B3GALT1: variants seen among roughly 807,000 people sequenced by gnomAD.
B3GALT1 encodes beta-1,3-galactosyltransferase 1, also known as UDP-Gal:betaGlcNAc beta 1,3-galactosyltransferase, polypeptide 1.
Under a neutral mutation model 23.2 loss-of-function variants are expected in B3GALT1, and 10 were observed. The observed-to-expected ratio is 0.43, with a 90% confidence interval of 0.27 to 0.73. The LOEUF is 0.73. Ranked by LOEUF, B3GALT1 falls within the 30% of genes least tolerant of loss-of-function variation. B3GALT1 has a pLI of 0.21. For synonymous variants in B3GALT1, 156 were observed against 141.5 expected, an observed-to-expected ratio of 1.10 and a Z score of -0.73; for missense variants, 299 against 405.4, an observed-to-expected ratio of 0.74 and a Z score of 2.25.
intron 3 of B3GALT1, among the ~76,000 whole-genome samples, chr2:167,727,914 T>G (rs149258398): frequency 6.6e-6 from 1 of 152,132 alleles, no homozygotes; most frequent in South Asian, 2.1e-4. Context: ...TAGAAGCTTT[T>G]GATACATTGG....
chr2:167,584,879 C>T (rs1574152933), intron 2 of B3GALT1, among the ~76,000 whole-genome samples: 1 of 152,194 alleles, frequency 6.6e-6, no homozygotes, highest in Non-Finnish European at 1.5e-5. Flanking sequence ...TTCAGAAGCT[C>T]CAGGAACCCT....
At chr2:167,444,556 G>T (rs530747946) in intron 1 of B3GALT1, among the ~76,000 whole-genome samples, 1 of 152,152 alleles carries the variant, frequency 6.6e-6, no homozygotes, top group Non-Finnish European at 1.5e-5. Context: ...CCTGTTATTG[G>T]TCTATTCAGA....
intron 1 of B3GALT1, among the ~76,000 whole-genome samples, chr2:167,376,572 G>A (rs7576187): frequency 0.83 from 126,034 of 152,032 alleles, 53,365 homozygotes; most frequent in East Asian, 0.94. Context: ...ATCTTGGGAG[G>A]TTGTGTATTT....
chr2:167,398,457 A>G (rs1055930763), intron 1 of B3GALT1, among the ~76,000 whole-genome samples: 7 of 152,072 alleles, frequency 4.6e-5, no homozygotes, highest in Non-Finnish European at 5.9e-5. Context: ...CAACATTTTT[A>G]AAATGATAAT....
At chr2:167,595,416 C>T (rs76450187) in intron 2 of B3GALT1, among the ~76,000 whole-genome samples, 1 of 152,098 alleles carries the variant, frequency 6.6e-6, no homozygotes, top group Admixed American at 6.5e-5. Context: ...AACATGGTCC[C>T]GTTAAATCAT....
intron 3 of B3GALT1, among the ~76,000 whole-genome samples, chr2:167,742,664 C>T (rs1432709638): frequency 6.6e-6 from 1 of 151,952 alleles, no homozygotes; most frequent in Non-Finnish European, 1.5e-5. Flanking sequence ...ATAATAAGAA[C>T]CCATTTTTTT....
intron 2 of B3GALT1, among the ~76,000 whole-genome samples, chr2:167,640,504 A>C (rs1230032544): frequency 2.0e-5 from 3 of 151,674 alleles, no homozygotes; most frequent in Admixed American, 1.3e-4. Context: ...TTAATAAACT[A>C]TGTCAAAAAG....
At chr2:167,557,926 T>C (rs894283307) in intron 2 of B3GALT1, among the ~76,000 whole-genome samples, 8 of 152,316 alleles carry the variant, frequency 5.3e-5, no homozygotes, top group East Asian at 1.9e-4. Context: ...TTCATCTACA[T>C]TGCCCATTCA....
At chr2:167,716,073 A>G in intron 3 of B3GALT1, 3 of 1,566,082 alleles carry the variant, frequency 1.9e-6, no homozygotes, top group Non-Finnish European at 1.8e-6. Context: ...CATAGCGCCA[A>G]GCTGCTCTGG....
intron 1 of B3GALT1, among the ~76,000 whole-genome samples, chr2:167,444,998 A>G (rs1392575228): frequency 6.6e-6 from 1 of 152,136 alleles, no homozygotes; most frequent in African/African-American, 2.4e-5. Flanking sequence ...TCTTTTGGGC[A>G]TTTAGTGCTA....
intron 3 of B3GALT1, among the ~76,000 whole-genome samples, chr2:167,791,870 G>C (rs146097555): frequency 1.6e-4 from 24 of 150,516 alleles, no homozygotes; most frequent in Middle Eastern, 3.4e-3. Flanking sequence ...AAGGTATGCA[G>C]TCATTTAACC....
rs558908271 is a variant in B3GALT1, at chr2:167,318,099, G to A, written c.-511+24765G>A. ...TCCCAGTGCTTTGGGAGGCCGAGGC[G>A]GGTGGATCATGAGGTCAGGAGTTTC... On this transcript the variant is annotated intron_variant, in intron 1 of 4. Coordinates refer to ENST00000392690, the MANE Select transcript of B3GALT1 (RefSeq NM_020981.4). 5.3e-5 allele frequency among the ~76,000 whole-genome samples: 8 copies of A among 152,100 alleles called. No individual in the cohort carries two copies. The East Asian group carries it at 9.7e-4, about 18-fold the overall frequency.
rs182795638 is a variant in B3GALT1 at position 167,814,622 on chromosome 2, G to A, written c.-351-4050G>A. Among the ~76,000 whole-genome samples, 85 of 152,252 alleles carry A rather than the reference G, an allele frequency of 5.6e-4. 1 individual carries two copies. The highest frequency in any genetic ancestry group is 1.8e-3 in the African/African-American group (76 of 41,556). On this transcript the variant is annotated intron_variant, in intron 3 of 4. Transcript: ENST00000392690. ...TAAAAAAAAAAATTAGCCAGGCTTGGTGGTACACACCTGTAGTCTCACCTA... is the reference window on the plus strand; with the variant it reads ...TAAAAAAAAAAATTAGCCAGGCTTGATGGTACACACCTGTAGTCTCACCTA...
intron 3 of B3GALT1, among the ~76,000 whole-genome samples, chr2:167,709,830 G>A (rs1397110989): frequency 1.3e-5 from 2 of 151,896 alleles, no homozygotes; most frequent in African/African-American, 2.4e-5. Flanking sequence ...CTAAGACTCA[G>A]TTCACCCATT....
chr2:167,385,811 G>A (rs1023943401), intron 1 of B3GALT1, among the ~76,000 whole-genome samples: 12 of 152,008 alleles, frequency 7.9e-5, no homozygotes, highest in African/African-American at 2.9e-4. Flanking sequence ...GACTACCATC[G>A]AATTCCACTT....
intron 3 of B3GALT1, among the ~76,000 whole-genome samples, chr2:167,702,783 A>G (rs1274530376): frequency 1.3e-4 from 20 of 152,232 alleles, no homozygotes; most frequent in Admixed American, 1.3e-3. Context: ...GTCAAAAATA[A>G]GGGATTCTTT....
At chr2:167,371,697 A>G (rs1477348022) in intron 1 of B3GALT1, among the ~76,000 whole-genome samples, 1 of 152,082 alleles carries the variant, frequency 6.6e-6, no homozygotes, top group Non-Finnish European at 1.5e-5. Flanking sequence ...GAAAAGGAAG[A>G]TGGAAATTAT....
chr2:167,816,386 T>G (rs1284854306), intron 3 of B3GALT1, among the ~76,000 whole-genome samples: 1 of 151,916 alleles, frequency 6.6e-6, no homozygotes, highest in Non-Finnish European at 1.5e-5. Context: ...AGATTTAAGT[T>G]TTAAACCTGC....
chr2:167,377,280 C>G (rs991165849), intron 1 of B3GALT1, among the ~76,000 whole-genome samples: 1 of 151,588 alleles, frequency 6.6e-6, no homozygotes, highest in Non-Finnish European at 1.5e-5. Flanking sequence ...GGAGTATGTT[C>G]TGTGTGCAGA....
Sources: allele counts gnomAD v4.1 joint callset (sites outside exome capture counted in the v4.1 genomes callset), GRCh38; gene constraint gnomAD v4.1.1; transcripts MANE v1.5; gene names NCBI Gene and HGNC (gene_info 2026-07-23, HGNC 2026-07-21).